The following OPRM1 variants were observed in gnomAD, a reference collection of about 807,000 sequenced individuals.
The protein encoded by OPRM1 is mu-type opioid receptor.
A neutral mutation model predicts 31.8 loss-of-function variants in OPRM1; 27 were observed. The observed-to-expected ratio is 0.85, with a 90% CI of 0.63 to 1.17. OPRM1 has a LOEUF of 1.17. Ranked by LOEUF, OPRM1 falls within the 50% of genes most tolerant of loss-of-function variation. The pLI is 0.00. For missense variants in OPRM1, 536 were observed against 511.1 expected (o/e 1.05, Z -0.47); for synonymous variants, 196 against 189.9 (o/e 1.03, Z -0.26).
At position 154,118,673 on chromosome 6, in the gene OPRM1, C is replaced by G. The variant is rs1797125468; in HGVS notation, c.1165-10C>G. The G allele has an allele frequency of 1.9e-6, 3 of 1,612,804 alleles. No homozygotes were observed. The highest frequency in any genetic ancestry group is 2.7e-5 in the African/African-American group (2 of 74,888). ...AATGTTCACTGTCTTTGCTCTTTCT[C>G]TCCTTTCAGCTAGAAAATCTGGAAG... On this transcript the variant is annotated splice_polypyrimidine_tract_variant and intron_variant, in intron 3 of 3. Coordinates refer to ENST00000330432, the MANE Select transcript of OPRM1 (RefSeq NM_000914.5).
chr6:154,032,687 G>A (rs889205053), intron 1 of OPRM1, among the ~76,000 whole-genome samples: 1 of 152,172 alleles, frequency 6.6e-6, no homozygotes, highest in Admixed American at 6.5e-5. Flanking sequence ...TCCCACCTCT[G>A]ACTCTCAAAT....
chr6:154,073,151 AG>A (rs1787158596), intron 1 of OPRM1, among the ~76,000 whole-genome samples: 2 of 152,316 alleles, frequency 1.3e-5, no homozygotes, highest in South Asian at 4.1e-4. Flanking sequence ...AGATAAACTA[AG>A]ATGCTGAAAG....
At chr6:154,192,755 C>T (rs9479788) in intron 3 of OPRM1, among the ~76,000 whole-genome samples, 87,243 of 151,898 alleles carry the variant, frequency 0.57, 25,498 homozygotes, top group East Asian at 0.89. Flanking sequence ...CCAACAAACA[C>T]GAAGAAATGT....
chr6:154,039,336 G>A lies in OPRM1; in HGVS notation c.-209G>A. ...GAGCCTCTGTGAACTACTAAGGTGG[G>A]AGGGGGCTATACGCAGAGGAGAATG... is the stretch of plus-strand genomic sequence containing the variant. On this transcript the variant is annotated 5_prime_UTR_variant, in exon 1 of 4. Transcript: ENST00000330432. 6.5e-7 allele frequency: 1 copy of A among 1,549,210 alleles called. No homozygotes were observed. Among genetic ancestry groups the A allele is most frequent in the Non-Finnish European group, 8.7e-7 (1 of 1,145,632 alleles).
At chr6:154,135,405 G>T (rs955190447), downstream of OPRM1, among the ~76,000 whole-genome samples, 9 of 152,048 alleles carry the variant, frequency 5.9e-5, no homozygotes, top group African/African-American at 2.2e-4. Flanking sequence ...GAGAGGTGGA[G>T]GTTGCAGTGA....
At chr6:154,060,883 A>G (rs1784265013) in intron 1 of OPRM1, among the ~76,000 whole-genome samples, 2 of 152,172 alleles carry the variant, frequency 1.3e-5, no homozygotes, top group Non-Finnish European at 2.9e-5. Flanking sequence ...TCTAGCCTCT[A>G]CTCTGCACCA....
chr6:154,241,549 T>C (rs1276892964), intron 3 of OPRM1, among the ~76,000 whole-genome samples: 1 of 152,168 alleles, frequency 6.6e-6, no homozygotes, highest in Admixed American at 6.5e-5. Context: ...CTTGGAATCA[T>C]GCTTATTTTA....
At chr6:154,060,931 CAAGAA>C (rs1461326109) in intron 1 of OPRM1, among the ~76,000 whole-genome samples, 1 of 152,054 alleles carries the variant, frequency 6.6e-6, no homozygotes. Context: ...AAGTTTATGT[CAAGAA>C]AAGAAATTCT....
intron 1 of OPRM1, among the ~76,000 whole-genome samples, chr6:154,046,535 C>T (rs2128407924): frequency 6.6e-6 from 1 of 152,282 alleles, no homozygotes; most frequent in Admixed American, 6.5e-5. Context: ...ATTAATTGAG[C>T]TCAAGAAAAT....
upstream of OPRM1, chr6:154,039,130 C>T: frequency 1.3e-6 from 2 of 1,544,770 alleles, no homozygotes; most frequent in Non-Finnish European, 8.8e-7. Context: ...TATCTCTCTC[C>T]CCAACCCTTC....
At chr6:154,146,629 G>A (rs1055094008) in intron 3 of OPRM1, among the ~76,000 whole-genome samples, 1 of 152,200 alleles carries the variant, frequency 6.6e-6, no homozygotes, top group Non-Finnish European at 1.5e-5. Context: ...TGACAAGTTA[G>A]GGAAAAGAGC....
At chr6:154,055,065 T>C (rs564790244) in intron 1 of OPRM1, among the ~76,000 whole-genome samples, 2 of 152,138 alleles carry the variant, frequency 1.3e-5, no homozygotes, top group African/African-American at 2.4e-5. Flanking sequence ...ATTTGGATAA[T>C]AAAAAATATG....
At chr6:154,214,939 G>T (rs1311598066) in intron 3 of OPRM1, among the ~76,000 whole-genome samples, 2 of 152,218 alleles carry the variant, frequency 1.3e-5, no homozygotes, top group Non-Finnish European at 2.9e-5. Context: ...GACCACTGTA[G>T]TTCCTTCTCA....
intron 3 of OPRM1, among the ~76,000 whole-genome samples, chr6:154,117,861 G>GTGTGTGTGTA (rs1490350417): frequency 6.9e-6 from 1 of 144,504 alleles, no homozygotes; most frequent in Non-Finnish European, 1.5e-5. Context: ...AAAAGATGGT[G>GTGTGTGTGTA]TGTGTGTGTG....
rs537191926 is a variant in OPRM1, at chr6:154,191,287, C to T, written c.1165-55406C>T. 2.0e-5 allele frequency among the ~76,000 whole-genome samples: 3 copies of T among 152,130 alleles called. No individual in the cohort carries two copies. The South Asian group carries it at 6.2e-4, about 32-fold the overall frequency. ...GGAGCACAGGGGATATTTTTTACGG[C>T]AGTGAAACTAGTCTGTATGATACTG... On this transcript the variant is annotated intron_variant, in intron 3 of 3. Transcript: ENST00000337049.
chr6:154,174,989 A>C (rs1394628386), intron 3 of OPRM1, among the ~76,000 whole-genome samples: 1 of 152,248 alleles, frequency 6.6e-6, no homozygotes, highest in Non-Finnish European at 1.5e-5. Context: ...ACCACAGTGC[A>C]ATCAAATTAG....
chr6:154,235,055 A>G (rs1180117332), intron 3 of OPRM1, among the ~76,000 whole-genome samples: 5 of 152,256 alleles, frequency 3.3e-5, no homozygotes, highest in Admixed American at 3.3e-4. Flanking sequence ...CATATGAAGG[A>G]AAGCTTTTAA....
At chr6:154,064,919 G>A (rs568331096) in intron 1 of OPRM1, among the ~76,000 whole-genome samples, 79 of 152,236 alleles carry the variant, frequency 5.2e-4, no homozygotes, top group African/African-American at 1.9e-3. Context: ...AATTCAGGAA[G>A]TGTGAGTCCT....
chr6:154,039,063 A>T, upstream of OPRM1: 1 of 1,382,206 alleles, frequency 7.2e-7, no homozygotes, highest in Non-Finnish European at 9.7e-7. Context: ...AAGGCGCTGG[A>T]AAATTGAGTG....
Sources: allele counts gnomAD v4.1 joint callset (sites outside exome capture counted in the v4.1 genomes callset), GRCh38; gene constraint gnomAD v4.1.1; transcripts MANE v1.5; gene names NCBI Gene and HGNC (gene_info 2026-07-23, HGNC 2026-07-21).